LHPP: variants seen among roughly 807,000 people sequenced by gnomAD.
The protein encoded by LHPP is phospholysine phosphohistidine inorganic pyrophosphate phosphatase.
Under a neutral mutation model 30.3 loss-of-function variants are expected in LHPP, and 24 were observed. The observed-to-expected ratio is 0.79, with a 90% CI of 0.57 to 1.11. The LOEUF (loss-of-function observed/expected upper bound fraction) is 1.11. LHPP is among the 50% of genes most tolerant of loss of function. The probability of loss-of-function intolerance (pLI) is 0.00; values close to 1 mark genes in which losing one functional copy is unlikely to be tolerated. For synonymous variants in LHPP, 150 were observed against 157.1 expected (o/e 0.95, Z 0.34); for missense variants, 356 against 367.2 (o/e 0.97, Z 0.25).
chr10:124,594,507 CATA>C (rs1948919154), intron 6 of LHPP, among the ~76,000 whole-genome samples: 1 of 152,102 alleles, frequency 6.6e-6, no homozygotes, highest in African/African-American at 2.4e-5. Flanking sequence ...TTCATAGCTG[CATA>C]ATATTTTACA....
At chr10:124,528,547 C>T (rs765900890) in intron 6 of LHPP, among the ~76,000 whole-genome samples, 8 of 152,002 alleles carry the variant, frequency 5.3e-5, no homozygotes, top group Admixed American at 1.3e-4. Context: ...CCACTAGAGA[C>T]GGGGTTTCGC....
chr10:124,608,727 G>A (rs765874515), intron 6 of LHPP, among the ~76,000 whole-genome samples: 9 of 152,244 alleles, frequency 5.9e-5, no homozygotes, highest in East Asian at 3.8e-4. Context: ...CCAGCTTGCC[G>A]TGTCCTCGGC....
intron 6 of LHPP, among the ~76,000 whole-genome samples, chr10:124,578,730 C>G (rs915123807): frequency 7.9e-5 from 12 of 152,186 alleles, no homozygotes; most frequent in African/African-American, 2.9e-4. Context: ...CAGAAGCTAG[C>G]AGGGGCTGAG....
At chr10:124,589,764 G>C (rs1012741107) in intron 6 of LHPP, among the ~76,000 whole-genome samples, 2 of 152,244 alleles carry the variant, frequency 1.3e-5, no homozygotes, top group African/African-American at 4.8e-5. Context: ...CTCTGGGGGT[G>C]AGGTCGGCTC....
intron 6 of LHPP, among the ~76,000 whole-genome samples, chr10:124,587,762 A>C (rs1452187247): frequency 1.2e-4 from 18 of 150,342 alleles, no homozygotes; most frequent in African/African-American, 3.9e-4. Flanking sequence ...AAAAAAAAAA[A>C]AAACCAAAAA....
intron 5 of LHPP, among the ~76,000 whole-genome samples, chr10:124,499,026 T>C (rs1298258847): frequency 6.6e-6 from 1 of 151,542 alleles, no homozygotes; most frequent in African/African-American, 2.4e-5. Context: ...GGACTACAGG[T>C]GTGCACCACC....
chr10:124,483,937 G>C (rs1953229800), intron 1 of LHPP, among the ~76,000 whole-genome samples: 1 of 151,906 alleles, frequency 6.6e-6, no homozygotes, highest in African/African-American at 2.4e-5. Context: ...TGGTATGGGG[G>C]TCCTCTGAGA....
intron 5 of LHPP, among the ~76,000 whole-genome samples, chr10:124,513,776 A>G (rs1213711439): frequency 6.9e-6 from 1 of 145,882 alleles, no homozygotes; most frequent in East Asian, 2.1e-4. Context: ...TAAATTACAT[A>G]TATTTATTTA....
intron 6 of LHPP, among the ~76,000 whole-genome samples, chr10:124,532,344 T>G (rs1332108469): frequency 6.6e-6 from 1 of 152,072 alleles, no homozygotes; most frequent in Non-Finnish European, 1.5e-5. Flanking sequence ...TGGACAGAGG[T>G]AGGAAAGATG....
At chr10:124,513,489 G>A (rs59802416) in intron 5 of LHPP, among the ~76,000 whole-genome samples, 3,974 of 89,312 alleles carry the variant, frequency 0.044, 486 homozygotes, top group African/African-American at 0.17. Flanking sequence ...TTTTGAGACC[G>A]AGTCTCACTC....
At chr10:124,548,319 G>T (rs1955402172) in intron 6 of LHPP, among the ~76,000 whole-genome samples, 1 of 152,194 alleles carries the variant, frequency 6.6e-6, no homozygotes, top group Non-Finnish European at 1.5e-5. Context: ...GGTGGTTGGT[G>T]TTAACTCCTC....
At chr10:124,491,731 G>T (rs545668890) in intron 3 of LHPP, among the ~76,000 whole-genome samples, 1 of 152,278 alleles carries the variant, frequency 6.6e-6, no homozygotes, top group Admixed American at 6.5e-5. Context: ...TCAAGACCAG[G>T]CTGGCCAACA....
chr10:124,472,015 T>C (rs1952794037), intron 1 of LHPP, among the ~76,000 whole-genome samples: 1 of 151,968 alleles, frequency 6.6e-6, no homozygotes, highest in African/African-American at 2.4e-5. Context: ...AGTGTTTTTA[T>C]GAATAACAAT....
chr10:124,514,915 C>T (rs1954406995), intron 5 of LHPP, among the ~76,000 whole-genome samples: 1 of 152,116 alleles, frequency 6.6e-6, no homozygotes, highest in Non-Finnish European at 1.5e-5. Flanking sequence ...GATCCTCCCA[C>T]CTCAGTCTCC....
chr10:124,486,418 C>CA (rs1322173004), intron 2 of LHPP, among the ~76,000 whole-genome samples: 1 of 152,174 alleles, frequency 6.6e-6, no homozygotes, highest in Non-Finnish European at 1.5e-5. Flanking sequence ...GATTCATTAG[C>CA]AGGACTCACA....
intron 6 of LHPP, among the ~76,000 whole-genome samples, chr10:124,528,343 CTTTA>C (rs776981449): frequency 5.3e-5 from 8 of 152,112 alleles, no homozygotes; most frequent in Non-Finnish European, 8.8e-5. Flanking sequence ...TCCCCACTGC[CTTTA>C]TTTATTTATT....
chr10:124,561,719 C>T (rs896588473), intron 6 of LHPP, among the ~76,000 whole-genome samples: 20 of 151,826 alleles, frequency 1.3e-4, no homozygotes, highest in Admixed American at 9.8e-4. Flanking sequence ...CAGCACTACC[C>T]TCTTCCCCTG....
At chr10:124,483,355 A>G (rs1424402245) in intron 1 of LHPP, among the ~76,000 whole-genome samples, 1 of 152,162 alleles carries the variant, frequency 6.6e-6, no homozygotes, top group Non-Finnish European at 1.5e-5. Context: ...TGCAAGTGGA[A>G]ATGCCAAATG....
chr10:124,499,373 G>T (rs1343180977), intron 5 of LHPP, among the ~76,000 whole-genome samples: 1 of 151,924 alleles, frequency 6.6e-6, no homozygotes, highest in Admixed American at 6.5e-5. Flanking sequence ...AGCCGGCATG[G>T]AGGCTGACGC....
Sources: allele counts gnomAD v4.1 joint callset (sites outside exome capture counted in the v4.1 genomes callset), GRCh38; gene constraint gnomAD v4.1.1; transcripts MANE v1.5; gene names NCBI Gene and HGNC (gene_info 2026-07-23, HGNC 2026-07-21).